NBAS: variants seen among roughly 807,000 people sequenced by gnomAD.
NBAS encodes NBAS subunit of NRZ tethering complex, also known as NAG/BC035112 fusion.
Under a neutral mutation model 302.5 loss-of-function variants are expected in NBAS, and 219 were observed. That is an observed-to-expected ratio of 0.72 (90% confidence interval 0.65 to 0.81). The LOEUF is 0.81. Among genes scored for constraint, NBAS ranks in the 30% least tolerant of loss-of-function variants. The pLI is 0.00. For synonymous variants in NBAS, 1,118 were observed against 1,021.6 expected, an observed-to-expected ratio of 1.09 and a Z score of -1.80; for missense variants, 2,932 against 2,841.6, an observed-to-expected ratio of 1.03 and a Z score of -0.72.
In NBAS at chr2:15,553,724, C is replaced by G. The variant is rs184887517; in HGVS notation, c.288-251G>C. ...TCTCCCCATCTCTCTCCCTCTCTCCCCCTCGCTCCCTCCCACTCTCTCTCC... is the reference window on the plus strand; with the variant it reads ...TCTCCCCATCTCTCTCCCTCTCTCCGCCTCGCTCCCTCCCACTCTCTCTCC... On this transcript the variant is annotated intron_variant, in intron 4 of 51. Coordinates refer to ENST00000281513, the MANE Select transcript of NBAS (RefSeq NM_015909.4). Among the ~76,000 whole-genome samples the G allele has an allele frequency of 3.0e-3, 445 of 150,470 alleles. 1 individual carries two copies. The highest frequency in any genetic ancestry group is 0.01 in the African/African-American group (414 of 40,894).
intron 21 of NBAS, among the ~76,000 whole-genome samples, chr2:15,450,206 T>C (rs1678941932): frequency 6.6e-6 from 1 of 152,218 alleles, no homozygotes; most frequent in African/African-American, 2.4e-5. Flanking sequence ...AGATTCATCT[T>C]TGTTTACTGG....
At chr2:15,296,667 C>T (rs1670564250) in intron 40 of NBAS, among the ~76,000 whole-genome samples, 2 of 151,886 alleles carry the variant, frequency 1.3e-5, no homozygotes, top group African/African-American at 4.8e-5. Context: ...CCTGTCTCCA[C>T]AAAAAAATTA....
chr2:15,225,498 C>T (rs974012351), intron 47 of NBAS, among the ~76,000 whole-genome samples: 6 of 151,614 alleles, frequency 4.0e-5, no homozygotes, highest in Admixed American at 6.6e-5. Context: ...CTAGGTGGGC[C>T]GTTCTTTCTT....
intron 41 of NBAS, among the ~76,000 whole-genome samples, chr2:15,288,407 C>A (rs1254746897): frequency 6.6e-6 from 1 of 152,110 alleles, no homozygotes; most frequent in East Asian, 1.9e-4. Flanking sequence ...ACACACCCAG[C>A]AGAGGGTGGG....
chr2:15,466,529 A>G (rs1221571066), intron 19 of NBAS, among the ~76,000 whole-genome samples: 1 of 152,184 alleles, frequency 6.6e-6, no homozygotes, highest in African/African-American at 2.4e-5. Context: ...GGGGACATCT[A>G]TGTTTGTGTC....
intron 40 of NBAS, among the ~76,000 whole-genome samples, chr2:15,298,020 T>C (rs1011972953): frequency 6.6e-6 from 1 of 152,266 alleles, no homozygotes; most frequent in Middle Eastern, 3.4e-3. Context: ...CTGAAATAAA[T>C]ATACTTCCTT....
intron 11 of NBAS, among the ~76,000 whole-genome samples, chr2:15,500,518 A>G (rs1263159695): frequency 1.3e-5 from 2 of 151,468 alleles, no homozygotes; most frequent in Non-Finnish European, 2.9e-5. Context: ...ACACACACAC[A>G]CACACACACA....
chr2:15,159,152 C>T, the NBAS span, among the ~76,000 whole-genome samples: 1 of 152,138 alleles, frequency 6.6e-6, no homozygotes, highest in South Asian at 2.1e-4. Context: ...CTGGGCATGC[C>T]GGTAGGGACA....
chr2:15,246,387 C>G (rs528538044), intron 44 of NBAS, among the ~76,000 whole-genome samples: 1 of 152,216 alleles, frequency 6.6e-6, no homozygotes. Flanking sequence ...TTTAAAATCT[C>G]TGTATCCCTA....
At chr2:15,498,077 T>C (rs1460374540) in intron 11 of NBAS, among the ~76,000 whole-genome samples, 2 of 152,136 alleles carry the variant, frequency 1.3e-5, no homozygotes, top group African/African-American at 2.4e-5. Context: ...GCAAAATGGG[T>C]GATTAGTAAA....
rs576585895 is a variant in NBAS at position 15,476,693 on chromosome 2, C to T, written c.1148-813G>A. The stretch of plus-strand genomic sequence containing the variant: ...TGGTGCCACTACACTCCAGCCTGGG[C>T]GACAGAGCGAGACTCTGTCCAAAAA... On this transcript the variant is annotated intron_variant, in intron 13 of 51. Coordinates refer to ENST00000281513, the MANE Select transcript of NBAS (RefSeq NM_015909.4). Among the ~76,000 whole-genome samples, 12 of 151,646 alleles carry T rather than the reference C, an allele frequency of 7.9e-5. No individual in the cohort carries two copies. In the South Asian group the frequency reaches 1.0e-3, roughly 13 times the overall value.
intron 47 of NBAS, among the ~76,000 whole-genome samples, chr2:15,224,412 A>C (rs1241697082): frequency 6.6e-6 from 1 of 152,258 alleles, no homozygotes; most frequent in African/African-American, 2.4e-5. Flanking sequence ...CAAGCAAGCA[A>C]AACACACACA....
At chr2:15,376,151 A>G (rs1674726402) in intron 30 of NBAS, among the ~76,000 whole-genome samples, 2 of 152,172 alleles carry the variant, frequency 1.3e-5, no homozygotes, top group East Asian at 1.9e-4. Flanking sequence ...ATTTATTTAT[A>G]AAGAGTTTAT....
chr2:15,234,804 A>C, intron 45 of NBAS, 57 bp from the exon 46 acceptor site: 2 of 1,543,072 alleles, frequency 1.3e-6, no homozygotes, highest in East Asian at 2.2e-5. Context: ...ATGTATCTAC[A>C]TGCACAAAGT....
intron 38 of NBAS, among the ~76,000 whole-genome samples, chr2:15,309,925 T>C (rs1357720590): frequency 1.3e-5 from 2 of 152,246 alleles, no homozygotes; most frequent in African/African-American, 2.4e-5. Flanking sequence ...AATAAGGATG[T>C]ATCCTATTCA....
At chr2:15,158,065 C>A in the NBAS span, among the ~76,000 whole-genome samples, 2 of 152,104 alleles carry the variant, frequency 1.3e-5, no homozygotes, top group Non-Finnish European at 2.9e-5. Flanking sequence ...GGTGGCTGCC[C>A]TACCCTGCAA....
the NBAS span, among the ~76,000 whole-genome samples, chr2:15,096,652 C>T: frequency 5.9e-5 from 9 of 152,230 alleles, no homozygotes; most frequent in African/African-American, 2.2e-4. Context: ...CAGGGAGGTG[C>T]CATGTTACCA....
chr2:15,380,936 T>C (rs951346685), intron 29 of NBAS, among the ~76,000 whole-genome samples: 1 of 136,520 alleles, frequency 7.3e-6, no homozygotes, highest in South Asian at 2.4e-4. Context: ...CAAGTCTTGG[T>C]AAGATATCTG....
chr2:15,473,450 C>T, intron 15 of NBAS, 103 bp from the exon 16 acceptor site: 1 of 1,431,564 alleles, frequency 7.0e-7, no homozygotes, highest in Non-Finnish European at 9.6e-7. Context: ...ACTTATCCAG[C>T]ATGTCACTAA....
Sources: gnomAD v4.1 joint callset for allele counts (sites outside exome capture counted in the v4.1 genomes callset) on GRCh38, gnomAD v4.1.1 for gene constraint, MANE v1.5 for transcripts, NCBI Gene and HGNC (gene_info 2026-07-23, HGNC 2026-07-21) for gene names.